The following TGM6 variants were observed in gnomAD, a reference collection of about 807,000 sequenced individuals.
TGM6 encodes protein-glutamine gamma-glutamyltransferase 6.
Under a neutral mutation model 77.5 loss-of-function variants are expected in TGM6, and 74 were observed. The ratio of observed to expected loss-of-function variants is 0.96; its 90% CI spans 0.79 to 1.16. The LOEUF is 1.16. Ranked by LOEUF, TGM6 falls within the 50% of genes most tolerant of loss-of-function variation. The probability of loss-of-function intolerance (pLI) is 0.00; values close to 1 mark genes in which losing one functional copy is unlikely to be tolerated. For missense variants in TGM6, 968 were observed against 940.2 expected (o/e 1.03, Z -0.39); for synonymous variants, 383 against 378.9 (o/e 1.01, Z -0.12).
chr20:2,395,559 A>T, intron 3 of TGM6, 123 bp downstream of exon 3: 1 of 1,562,924 alleles, frequency 6.4e-7, no homozygotes, highest in Non-Finnish European at 8.8e-7. Context: ...AGAGCTGGGC[A>T]AGAACTTAGC....
chr20:2,397,836 A>G, intron 4 of TGM6, 82 bp from the exon 5 acceptor site: 1 of 1,611,558 alleles, frequency 6.2e-7, no homozygotes, highest in Non-Finnish European at 8.5e-7. Context: ...AGATGGGGTG[A>G]CTGACCGGGT....
chr20:2,386,404 C>A (rs1239761067), intron 1 of TGM6, among the ~76,000 whole-genome samples: 3 of 151,932 alleles, frequency 2.0e-5, no homozygotes, highest in Non-Finnish European at 4.4e-5. Flanking sequence ...GTGCCGGGGG[C>A]TGGCAGATTG....
rs3050731 is a variant in TGM6, at chr20:2,406,831, C to CAAAAAA, written c.1336+3038_1336+3043dup. Among the ~76,000 whole-genome samples, 349 of 63,664 alleles carry CAAAAAA rather than the reference C, an allele frequency of 5.5e-3. 31 individuals carry two copies. Among genetic ancestry groups the CAAAAAA allele is most frequent in the Middle Eastern group, 0.016 (1 of 64 alleles). The allele number at this position is 63,664 out of a possible 152,430, so 41.8% of individuals were successfully genotyped here. On this transcript the variant is annotated intron_variant, in intron 9 of 12. Coordinates refer to ENST00000202625, the MANE Select transcript of TGM6 (RefSeq NM_198994.3). Reference sequence around the variant, plus strand: ...CCTCAGCAACAAGTGCGAAACTCCTCAAAAAAAAAAAAAAAAAAAAAAAAA... The same window carrying CAAAAAA: ...CCTCAGCAACAAGTGCGAAACTCCTCAAAAAAAAAAAAAAAAAAAAAAAAAAAAAAA...
intron 10 of TGM6, among the ~76,000 whole-genome samples, chr20:2,421,107 C>T (rs1039101711): frequency 6.6e-6 from 1 of 152,130 alleles, no homozygotes; most frequent in Non-Finnish European, 1.5e-5. Context: ...CTGCCTCAGC[C>T]TCTCGAGTAG....
chr20:2,388,914 G>A (rs1401394531), intron 1 of TGM6, among the ~76,000 whole-genome samples: 1 of 152,128 alleles, frequency 6.6e-6, no homozygotes, highest in Admixed American at 6.5e-5. Context: ...TAACTTCAGT[G>A]GTTCTCAACT....
rs533665038 is a variant in TGM6 at position 2,403,702 on chromosome 20, C to T, written c.1215C>T (p.His405=). 100 of 1,614,162 alleles carry T rather than the reference C, an allele frequency of 6.2e-5. 1 individual carries two copies. In the Admixed American group the frequency reaches 1.1e-3, roughly 19 times the overall value. The change falls in exon 9 of 13, where the codon CAC becomes CAT. Residue 405 remains histidine, a synonymous_variant. Coordinates refer to ENST00000202625, the MANE Select transcript of TGM6 (RefSeq NM_198994.3). ...CCGACTACATCACCTGGCTGTGGCACGAGGATGAGAGCCGGGAGCGTGTAT... is the reference window on the plus strand; with the variant it reads ...CCGACTACATCACCTGGCTGTGGCATGAGGATGAGAGCCGGGAGCGTGTAT... ...VNADYITWLW[H]EDESRERVYS... is the part of the protein sequence containing the mutation.
chr20:2,430,320 C>A (rs2084915843), intron 10 of TGM6, 126 bp from the exon 11 acceptor site: 3 of 1,285,344 alleles, frequency 2.3e-6, no homozygotes, highest in Non-Finnish European at 3.4e-6. Context: ...GAAAATAAAG[C>A]CTGTCTCAGA....
chr20:2,401,830 G>T (rs2122370567), intron 7 of TGM6, among the ~76,000 whole-genome samples: 1 of 152,322 alleles, frequency 6.6e-6, no homozygotes, highest in East Asian at 1.9e-4. Flanking sequence ...GGACATTTCA[G>T]TTGCCTCAGT....
At chr20:2,400,486 C>T in intron 7 of TGM6, 42 bp downstream of exon 7, 1 of 1,613,264 alleles carries the variant, frequency 6.2e-7, no homozygotes, top group South Asian at 1.1e-5. Context: ...CTCTGGAAGC[C>T]CAGCAGGTGG....
chr20:2,412,042 C>A (rs2084787673), intron 9 of TGM6, among the ~76,000 whole-genome samples: 1 of 152,110 alleles, frequency 6.6e-6, no homozygotes, highest in Non-Finnish European at 1.5e-5. Flanking sequence ...CCTGAATACG[C>A]CCAATCTCAT....
At chr20:2,382,627 T>C (rs2084563845) in intron 1 of TGM6, among the ~76,000 whole-genome samples, 1 of 152,206 alleles carries the variant, frequency 6.6e-6, no homozygotes, top group African/African-American at 2.4e-5. Flanking sequence ...TTGGATTCAA[T>C]TCCTGGGTCT....
Position 2,394,705 on chromosome 20 carries a change from A to G in TGM6, c.181+80A>G, listed in dbSNP as rs79615625. 3,429 of 1,460,872 alleles carry G rather than the reference A, an allele frequency of 2.3e-3. 53 individuals are homozygous for G. The African/African-American group carries it at 0.035, about 15-fold the overall frequency. 90.5% of individuals were successfully genotyped at this position (1,460,872 alleles called of 1,614,324 possible). A position where few individuals can be genotyped will look rare whatever the true frequency, so the allele number is the denominator to read the frequency against. On this transcript the variant is annotated intron_variant, in intron 2 of 12. Coordinates refer to ENST00000202625, the MANE Select transcript of TGM6 (RefSeq NM_198994.3). The stretch of plus-strand genomic sequence containing the variant: ...ATGACTCAGTAACATAAGACCTTGC[A>G]GTCAGCAGCTCAGGCTCTGGGGGAA...
At chr20:2,403,894 G>T in intron 9 of TGM6, 71 bp downstream of exon 9, 4 of 1,611,226 alleles carry the variant, frequency 2.5e-6, no homozygotes, top group Non-Finnish European at 3.4e-6. Flanking sequence ...CCCACTGCAG[G>T]TGGCCTGGAG....
Position 2,400,292 on chromosome 20 carries a change from TCTCTG to T in TGM6, c.851-7_851-3del, listed in dbSNP as rs1194089785. ...GCCAGGGTCCCGCCTGCTCCGAGCC[TCTCTG>T]CTCTGCAGTCCTCAGGTGCTTGGGG... On this transcript the variant is annotated splice_polypyrimidine_tract_variant and intron_variant, in intron 6 of 12. Transcript: ENST00000202625. 8 of 1,614,108 alleles carry T rather than the reference TCTCTG, an allele frequency of 5.0e-6. No individual in the cohort carries two copies. Among genetic ancestry groups the T allele is most frequent in the Non-Finnish European group, 6.8e-6 (8 of 1,179,998 alleles).
intron 9 of TGM6, among the ~76,000 whole-genome samples, chr20:2,405,604 G>T (rs1207017250): frequency 2.6e-5 from 4 of 152,218 alleles, no homozygotes; most frequent in African/African-American, 7.2e-5. Context: ...TATGCTTGCT[G>T]AGGACAGATG....
chr20:2,430,708 G>A, intron 11 of TGM6, 108 bp downstream of exon 11: 1 of 1,597,264 alleles, frequency 6.3e-7, no homozygotes, highest in Non-Finnish European at 8.6e-7. Context: ...TCCAGCTTTA[G>A]CTCTCCAGGG....
intron 9 of TGM6, among the ~76,000 whole-genome samples, chr20:2,409,537 C>A (rs1002669640): frequency 6.6e-6 from 1 of 151,890 alleles, no homozygotes; most frequent in Non-Finnish European, 1.5e-5. Flanking sequence ...CATTGGGAAA[C>A]CCTGTCTCTA....
At chr20:2,394,354 T>G in intron 1 of TGM6, 98 bp from the exon 2 acceptor site, 2 of 1,379,228 alleles carry the variant, frequency 1.5e-6, no homozygotes, top group Non-Finnish European at 2.0e-6. Flanking sequence ...AGCAGCTGGA[T>G]GAACAAATGA....
At chr20:2,404,102 C>G (rs555946642) in intron 9 of TGM6, among the ~76,000 whole-genome samples, 50 of 152,224 alleles carry the variant, frequency 3.3e-4, no homozygotes, top group Non-Finnish European at 6.8e-4. Flanking sequence ...CCAGGCACTG[C>G]ATTAGGTATG....
Sources: gnomAD v4.1 joint callset for allele counts (sites outside exome capture counted in the v4.1 genomes callset) on GRCh38, gnomAD v4.1.1 for gene constraint, MANE v1.5 for transcripts, NCBI Gene and HGNC (gene_info 2026-07-23, HGNC 2026-07-21) for gene names.